Variants in AIG1 observed in about 807,000 individuals in gnomAD.
AIG1 encodes the protein androgen induced 1.
AIG1 carries 23 observed loss-of-function variants against 31.4 expected under a neutral mutation model. The observed-to-expected ratio is 0.73, with a 90% confidence interval of 0.53 to 1.04. The LOEUF (loss-of-function observed/expected upper bound fraction) is 1.04. AIG1 is among the 50% of genes least tolerant of loss of function. AIG1 has a pLI of 0.00. For missense variants in AIG1, 274 were observed against 295.0 expected (o/e 0.93, Z 0.52); for synonymous variants, 100 against 110.5 (o/e 0.90, Z 0.60).
intron 4 of AIG1, among the ~76,000 whole-genome samples, chr6:143,303,563 C>G (rs1798995832): frequency 6.6e-6 from 1 of 152,020 alleles, no homozygotes; most frequent in South Asian, 2.1e-4. Context: ...TCTGAGGGCT[C>G]TGTTCTGTTC....
intron 4 of AIG1, among the ~76,000 whole-genome samples, chr6:143,300,423 C>G (rs2128696592): frequency 6.6e-6 from 1 of 152,262 alleles, no homozygotes; most frequent in East Asian, 1.9e-4. Context: ...TAGAACACAA[C>G]TGGAAAGAGG....
At chr6:143,092,457 C>A (rs1000357151) in intron 1 of AIG1, among the ~76,000 whole-genome samples, 3 of 151,964 alleles carry the variant, frequency 2.0e-5, no homozygotes, top group Non-Finnish European at 2.9e-5. Context: ...GTCAAAATTC[C>A]CTCTTGATCC....
At chr6:143,196,784 A>T (rs1011213045) in intron 3 of AIG1, among the ~76,000 whole-genome samples, 6 of 152,168 alleles carry the variant, frequency 3.9e-5, no homozygotes, top group Non-Finnish European at 8.8e-5. Context: ...TACAAATCAG[A>T]CATAAATGCT....
chr6:143,186,222 A>G (rs1026397883), intron 3 of AIG1, among the ~76,000 whole-genome samples: 4 of 152,198 alleles, frequency 2.6e-5, no homozygotes, highest in African/African-American at 9.7e-5. Context: ...TGCTAAATTT[A>G]AATTGTCATT....
intron 4 of AIG1, among the ~76,000 whole-genome samples, chr6:143,323,908 A>T (rs1424856208): frequency 6.6e-6 from 1 of 152,254 alleles, no homozygotes; most frequent in Non-Finnish European, 1.5e-5. Context: ...GCAATGGTCC[A>T]AGGGACCTTT....
At chr6:143,187,980 T>C in intron 3 of AIG1, 1 of 1,176,672 alleles carries the variant, frequency 8.5e-7, no homozygotes, top group Non-Finnish European at 1.1e-6. Context: ...TGTAACAGGT[T>C]GGAAAAATTA....
At chr6:143,262,750 T>C (rs956486576) in intron 3 of AIG1, among the ~76,000 whole-genome samples, 3 of 152,110 alleles carry the variant, frequency 2.0e-5, no homozygotes, top group Admixed American at 1.3e-4. Context: ...AAAAGACTTA[T>C]GTTATCTAGT....
Position 143,340,029 on chromosome 6 carries a change from A to C in AIG1, c.*353A>C, listed in dbSNP as rs9908. The C allele has an allele frequency of 0.29, 54,914 of 189,148 alleles. 11,068 individuals carry two copies. Among genetic ancestry groups the C allele is most frequent in the African/African-American group, 0.6 (25,449 of 42,120 alleles). 11.7% of individuals were successfully genotyped at this position (189,148 alleles called of 1,614,324 possible). A position where few individuals can be genotyped will look rare whatever the true frequency, so the allele number is the denominator to read the frequency against. ...AGTTTATTGCACTTCTTTTTGAGAAATATGTTAAAGTCAAAGGGGCATATA... is the reference window on the plus strand; with the variant it reads ...AGTTTATTGCACTTCTTTTTGAGAACTATGTTAAAGTCAAAGGGGCATATA... On this transcript the variant is annotated 3_prime_UTR_variant, in exon 6 of 6. Coordinates refer to ENST00000357847, the MANE Select transcript of AIG1 (RefSeq NM_016108.4).
Position 143,060,974 on chromosome 6 carries a change from T to C in AIG1, c.49T>C (p.Tyr17His), listed in dbSNP as rs1776188256. ...QVLRMAILLS[Y>H]CSILCNYKAI... ...GCTGCGGATGGCAATCCTGCTGTCT[T>C]ACTGCTCTATCCTGTGTAACTACAA... Residue 17 changes from tyrosine (Y) to histidine (H), a missense_variant, in exon 1 of 6, where the codon TAC becomes CAC. Tyr to His is a moderately conservative substitution (Grantham distance 83, BLOSUM62 2). Transcript: ENST00000357847. 1.2e-6 allele frequency: 2 copies of C among 1,613,052 alleles called. No individual in the cohort carries two copies. The highest frequency in any genetic ancestry group is 1.7e-4 in the Middle Eastern group (1 of 6,056).
rs1446666254 is a variant in AIG1, at chr6:143,330,642, G to A, written c.516-2640G>A. Among the ~76,000 whole-genome samples the A allele has an allele frequency of 6.6e-6, 1 of 152,196 alleles. No individual in the cohort carries two copies. The highest frequency in any genetic ancestry group is 1.5e-5 in the Non-Finnish European group (1 of 68,046). ...GAGGAAGCAAGTTTTGAGCAGAATA[G>A]TGGCATGGCCTGACTCACATTTAAT... On this transcript the variant is annotated intron_variant, in intron 4 of 5. Transcript: ENST00000357847. This position sits in a 1 kb window ranked among gnomAD's most constrained non-coding sequence, Gnocchi z 4.4.
intron 1 of AIG1, among the ~76,000 whole-genome samples, chr6:143,112,426 C>T (rs182645285): frequency 3.9e-4 from 59 of 152,184 alleles, no homozygotes; most frequent in Admixed American, 1.6e-3. Flanking sequence ...TTTTCAAAGG[C>T]GAAAAACACA....
intron 4 of AIG1, among the ~76,000 whole-genome samples, chr6:143,312,221 A>G (rs1316728835): frequency 6.6e-6 from 1 of 152,144 alleles, no homozygotes; most frequent in Non-Finnish European, 1.5e-5. Flanking sequence ...GCTAAAATTT[A>G]TGTGAAACTA....
chr6:143,310,539 T>C (rs9496580), intron 4 of AIG1, among the ~76,000 whole-genome samples: 9,230 of 151,532 alleles, frequency 0.061, 744 homozygotes, highest in African/African-American at 0.18. Flanking sequence ...TATTAGAAGT[T>C]TCTAATCTGA....
At chr6:143,232,387 G>A (rs1002928988) in intron 3 of AIG1, among the ~76,000 whole-genome samples, 5 of 152,174 alleles carry the variant, frequency 3.3e-5, no homozygotes, top group Admixed American at 6.5e-5. Context: ...AGCCCATGAA[G>A]TGCGGTTCTT....
chr6:143,254,055 C>T (rs565189985), intron 3 of AIG1, among the ~76,000 whole-genome samples: 1 of 152,178 alleles, frequency 6.6e-6, no homozygotes, highest in African/African-American at 2.4e-5. Context: ...AAGGCTTGCT[C>T]CCTTCTGTGC....
At chr6:143,145,795 G>C (rs1784652310) in intron 2 of AIG1, among the ~76,000 whole-genome samples, 1 of 152,048 alleles carries the variant, frequency 6.6e-6, no homozygotes, top group African/African-American at 2.4e-5. Flanking sequence ...AAACTAGTAG[G>C]ATTCTAGGTA....
chr6:143,203,083 G>A (rs1790833772), intron 3 of AIG1, among the ~76,000 whole-genome samples: 1 of 152,104 alleles, frequency 6.6e-6, no homozygotes, highest in Non-Finnish European at 1.5e-5. Flanking sequence ...TGATACATAT[G>A]GGCCTTCTTA....
intron 1 of AIG1, among the ~76,000 whole-genome samples, chr6:143,133,514 G>A (rs1783457744): frequency 6.6e-6 from 1 of 152,080 alleles, no homozygotes; most frequent in African/African-American, 2.4e-5. Flanking sequence ...TGGGCAGGAT[G>A]TGAATATGAT....
intron 3 of AIG1, among the ~76,000 whole-genome samples, chr6:143,194,411 G>A (rs1790056167): frequency 6.6e-6 from 1 of 152,128 alleles, no homozygotes; most frequent in Non-Finnish European, 1.5e-5. Flanking sequence ...GGGGTTATGG[G>A]GATTACAATT....
Sources: gnomAD v4.1 joint callset for allele counts (sites outside exome capture counted in the v4.1 genomes callset) on GRCh38, gnomAD v4.1.1 for gene constraint, Gnocchi (gnomAD v3.1) non-coding constraint, MANE v1.5 for transcripts, NCBI Gene and HGNC (gene_info 2026-07-23, HGNC 2026-07-21) for gene names.